The following AHCYL2 variants were observed in gnomAD, a reference collection of about 807,000 sequenced individuals.
AHCYL2 encodes the protein S-adenosylhomocysteine hydrolase-like protein 2.
Under a neutral mutation model 81.4 loss-of-function variants are expected in AHCYL2, and 28 were observed. That is an observed-to-expected ratio of 0.34 (90% confidence interval 0.25 to 0.47). The LOEUF (loss-of-function observed/expected upper bound fraction) is 0.47, where lower values mean the gene tolerates loss of function less well. Ranked by LOEUF, AHCYL2 falls within the 20% of genes least tolerant of loss-of-function variation. The pLI is 1.00. For synonymous variants in AHCYL2, 272 were observed against 290.2 expected (o/e 0.94, Z 0.64); for missense variants, 551 against 785.1 (o/e 0.70, Z 3.56).
intron 1 of AHCYL2, among the ~76,000 whole-genome samples, chr7:129,259,051 A>G (rs1184460403): frequency 6.6e-6 from 1 of 152,180 alleles, no homozygotes; most frequent in African/African-American, 2.4e-5. Context: ...CCAAACTAAT[A>G]TGTATATAAA....
At chr7:129,357,835 G>A (rs1793787003) in intron 1 of AHCYL2, among the ~76,000 whole-genome samples, 1 of 151,666 alleles carries the variant, frequency 6.6e-6, no homozygotes, top group African/African-American at 2.4e-5. Context: ...TTGGGAGGCT[G>A]AGGCAGGAGA....
At chr7:129,294,279 CAT>C (rs553302856) in intron 1 of AHCYL2, among the ~76,000 whole-genome samples, 229 of 152,290 alleles carry the variant, frequency 1.5e-3, no homozygotes, top group African/African-American at 5.3e-3. Context: ...AAAAATCCCA[CAT>C]GTCTGACGGA....
At chr7:129,334,985 T>G (rs778208369) in intron 1 of AHCYL2, among the ~76,000 whole-genome samples, 16 of 152,226 alleles carry the variant, frequency 1.1e-4, no homozygotes, top group Non-Finnish European at 2.1e-4. Context: ...TGTTAATGAT[T>G]TGGTCTGTGA....
intron 1 of AHCYL2, chr7:129,375,832 T>G: frequency 6.5e-7 from 1 of 1,535,486 alleles, no homozygotes; most frequent in Non-Finnish European, 8.7e-7. Flanking sequence ...CAAGGGTCCC[T>G]GGACCACAGA....
At chr7:129,252,958 C>T (rs111664025) in intron 1 of AHCYL2, among the ~76,000 whole-genome samples, 24 of 152,134 alleles carry the variant, frequency 1.6e-4, no homozygotes, top group Non-Finnish European at 2.5e-4. Flanking sequence ...CCTGTAATCC[C>T]AGCGCTTTGG....
chr7:129,414,971 T>C (rs1796774005), intron 12 of AHCYL2, among the ~76,000 whole-genome samples: 1 of 152,206 alleles, frequency 6.6e-6, no homozygotes, highest in African/African-American at 2.4e-5. Flanking sequence ...TTAAATTCTG[T>C]GCTCTATTCT....
chr7:129,295,449 T>G (rs1286863274), intron 1 of AHCYL2, among the ~76,000 whole-genome samples: 1 of 152,194 alleles, frequency 6.6e-6, no homozygotes, highest in Non-Finnish European at 1.5e-5. Flanking sequence ...TCATAGCATC[T>G]TGAAGAGAAG....
intron 1 of AHCYL2, among the ~76,000 whole-genome samples, chr7:129,247,566 G>A (rs1383742778): frequency 1.3e-5 from 2 of 151,158 alleles, no homozygotes; most frequent in African/African-American, 4.9e-5. Context: ...TTTTAATTTT[G>A]AAAAAGTCCA....
At chr7:129,272,429 T>C (rs541561719) in intron 1 of AHCYL2, among the ~76,000 whole-genome samples, 85 of 152,292 alleles carry the variant, frequency 5.6e-4, no homozygotes, top group African/African-American at 1.9e-3. Flanking sequence ...TTAGGGTAGT[T>C]TGTAGTGATA....
At chr7:129,242,561 C>T (rs1794900767) in intron 1 of AHCYL2, among the ~76,000 whole-genome samples, 1 of 151,818 alleles carries the variant, frequency 6.6e-6, no homozygotes, top group Admixed American at 6.6e-5. Context: ...ACTAAAAATA[C>T]AAAAAATTAG....
At chr7:129,422,686 G>A (rs1278088861) in intron 12 of AHCYL2, among the ~76,000 whole-genome samples, 154 bp from the exon 13 acceptor site, 1 of 152,148 alleles carries the variant, frequency 6.6e-6, no homozygotes, top group Non-Finnish European at 1.5e-5. Context: ...TCCCTGAAAT[G>A]GAACAGTCCT....
In AHCYL2 at chr7:129,318,743, A is replaced by G. The variant is rs531723162; in HGVS notation, c.364-60895A>G. On this transcript the variant is annotated intron_variant, in intron 1 of 16. Transcript: ENST00000325006. ...ATTAAAAAACATAATTGTGTATAGT[A>G]TAGTGTGATAAAATATTCCAGAAGC... 1.2e-4 allele frequency among the ~76,000 whole-genome samples: 18 copies of G among 152,244 alleles called. No individual in the cohort carries two copies. In the East Asian group the frequency reaches 3.3e-3, roughly 28 times the overall value.
intron 1 of AHCYL2, among the ~76,000 whole-genome samples, chr7:129,331,760 C>G (rs543704112): frequency 6.6e-6 from 1 of 151,970 alleles, no homozygotes; most frequent in African/African-American, 2.4e-5. Context: ...GAGAACCTCT[C>G]GAACCCGGGA....
At chr7:129,293,297 A>T (rs766145931) in intron 1 of AHCYL2, among the ~76,000 whole-genome samples, 35 of 152,224 alleles carry the variant, frequency 2.3e-4, no homozygotes, top group Non-Finnish European at 4.4e-4. Context: ...CAAGACTAAG[A>T]GGTTAAAAGT....
At chr7:129,302,496 G>A (rs1243436012) in intron 1 of AHCYL2, among the ~76,000 whole-genome samples, 1 of 152,126 alleles carries the variant, frequency 6.6e-6, no homozygotes, top group African/African-American at 2.4e-5. Flanking sequence ...CTGGCTGTGG[G>A]TTGTTGTATA....
chr7:129,347,815 G>T (rs1481205138), intron 1 of AHCYL2, among the ~76,000 whole-genome samples: 1 of 152,100 alleles, frequency 6.6e-6, no homozygotes, highest in Admixed American at 6.5e-5. Flanking sequence ...ACTATTCTAA[G>T]GAATATTTGA....
At chr7:129,226,371 A>G (rs1794219015) in intron 1 of AHCYL2, among the ~76,000 whole-genome samples, 2 of 152,220 alleles carry the variant, frequency 1.3e-5, no homozygotes, top group South Asian at 4.1e-4. Flanking sequence ...TTTCTCTCTT[A>G]AAGCTGAATC....
intron 1 of AHCYL2, among the ~76,000 whole-genome samples, chr7:129,287,562 G>T (rs925415737): frequency 2.3e-4 from 35 of 152,178 alleles, no homozygotes; most frequent in African/African-American, 8.2e-4. Context: ...TTGCTAACCA[G>T]TGGGAGAGGA....
At position 129,342,533 on chromosome 7, in the gene AHCYL2, T is replaced by C. The variant is rs575106966; in HGVS notation, c.364-37105T>C. Among the ~76,000 whole-genome samples, 167 of 152,314 alleles carry C rather than the reference T, an allele frequency of 1.1e-3. 1 individual carries two copies. Among genetic ancestry groups the C allele is most frequent in the Non-Finnish European group, 2.0e-3 (138 of 68,018 alleles). ...TTGTAGTAATCTCCCTTCTGTGTGT[T>C]AGAGAATGCGGCTATGTAGCTTTGT... On this transcript the variant is annotated intron_variant, in intron 1 of 16. Transcript: ENST00000325006.
Sources: allele counts gnomAD v4.1 joint callset (sites outside exome capture counted in the v4.1 genomes callset), GRCh38; gene constraint gnomAD v4.1.1; transcripts MANE v1.5; gene names NCBI Gene and HGNC (gene_info 2026-07-23, HGNC 2026-07-21).